Variants in USP47 observed in about 807,000 individuals in gnomAD.
USP47 encodes ubiquitin carboxyl-terminal hydrolase 47.
USP47 carries 35 observed loss-of-function variants against 165.1 expected under a neutral mutation model. That is an observed-to-expected ratio of 0.21 (90% CI 0.16 to 0.28). The LOEUF (loss-of-function observed/expected upper bound fraction) is 0.28. USP47 is among the 10% of genes least tolerant of loss of function. USP47 has a pLI of 1.00. For synonymous variants in USP47, 531 were observed against 544.5 expected (o/e 0.98, Z 0.35); for missense variants, 1,277 against 1,607.4 (o/e 0.79, Z 3.52).
chr11:11,851,934 A>G (rs1032908504), intron 1 of USP47, among the ~76,000 whole-genome samples: 2 of 152,190 alleles, frequency 1.3e-5, no homozygotes, highest in African/African-American at 4.8e-5. Flanking sequence ...GGGGGGCATG[A>G]TGCTGATACG....
intron 8 of USP47, among the ~76,000 whole-genome samples, chr11:11,914,633 A>G (rs73413222): frequency 0.2 from 30,789 of 152,036 alleles, 3,504 homozygotes; most frequent in Admixed American, 0.36. Context: ...CTGACAAAGG[A>G]CTCATATCTA....
intron 1 of USP47, among the ~76,000 whole-genome samples, chr11:11,859,468 G>T (rs562206977): frequency 6.6e-6 from 1 of 152,082 alleles, no homozygotes; most frequent in African/African-American, 2.4e-5. Flanking sequence ...AAGGAGTAAG[G>T]CCGCATAAGG....
At chr11:11,894,353 G>A (rs903386963) in intron 4 of USP47, among the ~76,000 whole-genome samples, 2 of 152,130 alleles carry the variant, frequency 1.3e-5, no homozygotes, top group South Asian at 2.1e-4. Context: ...CTACTCGGGA[G>A]GCTGAGGCAG....
intron 3 of USP47, among the ~76,000 whole-genome samples, chr11:11,887,703 A>C (rs182803643): frequency 6.6e-6 from 1 of 152,254 alleles, no homozygotes; most frequent in African/African-American, 2.4e-5. Flanking sequence ...CAGTACCTAA[A>C]CTCAGCTCTG....
At chr11:11,846,024 T>G (rs917411767) in intron 1 of USP47, among the ~76,000 whole-genome samples, 3 of 152,152 alleles carry the variant, frequency 2.0e-5, no homozygotes, top group African/African-American at 7.2e-5. Flanking sequence ...GTTTCTTAGT[T>G]CCTCTCTTTT....
chr11:11,900,861 A>G (rs375234516), intron 5 of USP47, among the ~76,000 whole-genome samples: 6 of 152,342 alleles, frequency 3.9e-5, no homozygotes, highest in South Asian at 4.1e-4. Flanking sequence ...CTTATTTTAC[A>G]GTAATTCCTC....
At chr11:11,932,324 A>G (rs1259119336) in intron 14 of USP47, among the ~76,000 whole-genome samples, 1 of 152,184 alleles carries the variant, frequency 6.6e-6, no homozygotes, top group South Asian at 2.1e-4. Context: ...CCAATTCAAC[A>G]TGAGATTTGG....
chr11:11,909,592 C>T (rs4910428), intron 8 of USP47, among the ~76,000 whole-genome samples: 24,599 of 151,994 alleles, frequency 0.16, 2,453 homozygotes, highest in Admixed American at 0.34. Flanking sequence ...TTTTGTCATA[C>T]AACATTTATT....
intron 8 of USP47, among the ~76,000 whole-genome samples, chr11:11,914,245 T>C (rs1383359488): frequency 5.3e-5 from 8 of 151,402 alleles, no homozygotes; most frequent in African/African-American, 1.9e-4. Context: ...AACCCAGAAA[T>C]AGATCCACAC....
chr11:11,940,294 T>C (rs1299932061), intron 18 of USP47, 135 bp from the exon 19 acceptor site: 1 of 894,096 alleles, frequency 1.1e-6, no homozygotes, highest in African/African-American at 1.7e-5. Context: ...TCAAAAATTT[T>C]AAAACCTCTA....
chr11:11,952,775 A>G lies in USP47; in HGVS notation c.3618A>G (p.Ala1206=). 6.2e-7 allele frequency: 1 copy of G among 1,612,572 alleles called. No individual in the cohort carries two copies. Among genetic ancestry groups the G allele is most frequent in the East Asian group, 2.2e-5 (1 of 44,756 alleles). The change falls in exon 25 of 28, where the codon GCA becomes GCG. Residue 1206 remains alanine, a synonymous_variant. Coordinates refer to ENST00000527733, the MANE Select transcript of USP47 (RefSeq NM_001282659.2). ...VEKMKSMSQL[A]VLSRRWKPSE... is the part of the protein sequence containing the mutation. ...AGATGAAGTCCATGTCACAGCTTGC[A>G]GTTTTGTCAAGACGGTGGAAGCCTT... is the stretch of plus-strand genomic sequence containing the variant.
chr11:11,905,738 T>C (rs913849138), intron 8 of USP47, among the ~76,000 whole-genome samples, 190 bp downstream of exon 8: 4 of 152,312 alleles, frequency 2.6e-5, no homozygotes. Flanking sequence ...GCATGTATTA[T>C]AAGAGAGAAA....
chr11:11,940,465 C>T lies in USP47; in HGVS notation c.2230C>T (p.Leu744=), dbSNP rs770939817. ...HLPAETMRIV[L]ERCYNDLRLL... is the part of the protein sequence containing the mutation. ...ACCTGCTGAAACAATGAGAATAGTG[C>T]TGGAACGCTGCTACAATGATTTGCG... Residue 744 remains leucine (L), a synonymous_variant, in exon 19 of 28, where the codon CTG becomes TTG. Coordinates refer to ENST00000527733, the MANE Select transcript of USP47 (RefSeq NM_001282659.2). 11 of 1,611,692 alleles carry T rather than the reference C, an allele frequency of 6.8e-6. No individual in the cohort carries two copies. The African/African-American group carries it at 1.3e-4, about 20-fold the overall frequency.
chr11:11,888,454 A>C (rs1432436222), intron 3 of USP47, among the ~76,000 whole-genome samples: 1 of 151,636 alleles, frequency 6.6e-6, no homozygotes, highest in Non-Finnish European at 1.5e-5. Flanking sequence ...TAAAATAGAA[A>C]ATATGGATAA....
At chr11:11,940,105 T>C (rs1855360835) in intron 18 of USP47, among the ~76,000 whole-genome samples, 2 of 152,016 alleles carry the variant, frequency 1.3e-5, no homozygotes, top group South Asian at 2.1e-4. Context: ...AAAAAGTCAG[T>C]TACGCAGTTT....
At chr11:11,939,259 T>C (rs1855302407) in intron 18 of USP47, among the ~76,000 whole-genome samples, 1 of 152,026 alleles carries the variant, frequency 6.6e-6, no homozygotes, top group East Asian at 1.9e-4. Flanking sequence ...TAGGTTAATA[T>C]TCCCTGGTGT....
chr11:11,898,879 A>G (rs1232507065), intron 5 of USP47, among the ~76,000 whole-genome samples: 1 of 152,208 alleles, frequency 6.6e-6, no homozygotes, highest in Non-Finnish European at 1.5e-5. Flanking sequence ...AGTGTTAGTC[A>G]TTGTTTGTAT....
chr11:11,883,552 TA>T (rs1238289676), intron 2 of USP47, among the ~76,000 whole-genome samples: 1 of 152,174 alleles, frequency 6.6e-6, no homozygotes, highest in Non-Finnish European at 1.5e-5. Flanking sequence ...TCCTAAGAAA[TA>T]AAGGCATTTT....
rs115423940 is a variant in USP47, at chr11:11,932,197, G to C, written c.1652-807G>C. 7.3e-3 allele frequency among the ~76,000 whole-genome samples: 1,104 copies of C among 152,152 alleles called. 9 individuals are homozygous for C. Among genetic ancestry groups the C allele is most frequent in the African/African-American group, 0.023 (964 of 41,514 alleles). ...CAAGTTCCGGGGTTGGGGGAGGGGT[G>C]CCACACACTTTTAAATGACCAGAAC... On this transcript the variant is annotated intron_variant, in intron 14 of 27. Coordinates refer to ENST00000527733, the MANE Select transcript of USP47 (RefSeq NM_001282659.2).
Sources: gnomAD v4.1 joint callset for allele counts (sites outside exome capture counted in the v4.1 genomes callset) on GRCh38, gnomAD v4.1.1 for gene constraint, MANE v1.5 for transcripts, NCBI Gene and HGNC (gene_info 2026-07-23, HGNC 2026-07-21) for gene names.